The following SMARCA4 variants were observed in gnomAD, a reference collection of about 807,000 sequenced individuals.
The protein encoded by SMARCA4 is SWI/SNF-related matrix-associated actin-dependent regulator of chromatin subfamily A member 4.
In SMARCA4, 31 loss-of-function variants were observed where a neutral mutation model predicts 193.9. The observed-to-expected ratio is 0.16, with a 90% CI of 0.12 to 0.22. The LOEUF is 0.22. Ranked by LOEUF, SMARCA4 falls within the 10% of genes least tolerant of loss-of-function variation. The probability of loss-of-function intolerance (pLI) is 1.00; values close to 1 mark genes in which losing one functional copy is unlikely to be tolerated. For synonymous variants in SMARCA4, 942 were observed against 933.1 expected, an observed-to-expected ratio of 1.01 and a Z score of -0.17; for missense variants, 1,148 against 2,296.0, an observed-to-expected ratio of 0.50 and a Z score of 10.22.
At chr19:11,010,686 G>A (rs1341941617) in intron 15 of SMARCA4, among the ~76,000 whole-genome samples, 155 bp downstream of exon 15, 1 of 152,152 alleles carries the variant, frequency 6.6e-6, no homozygotes, top group Non-Finnish European at 1.5e-5. Context: ...TTCCCCATGT[G>A]TAAAGCAGAG....
rs2075021 is a variant in SMARCA4 at position 11,025,539 on chromosome 19, C to G, written c.3168+31C>G. The G allele has an allele frequency of 0.41, 629,046 of 1,544,720 alleles. 130,041 individuals are homozygous for G. Among genetic ancestry groups the G allele is most frequent in the East Asian group, 0.57 (25,173 of 44,532 alleles). ...CCCGCCGCGGCTGGGACGGCTCAGGCCCTGCTGTCTGCTGAGCTCCTAGGC... is the reference window on the plus strand; with the variant it reads ...CCCGCCGCGGCTGGGACGGCTCAGGGCCTGCTGTCTGCTGAGCTCCTAGGC... On this transcript the variant is annotated intron_variant, in intron 22 of 34. Coordinates refer to ENST00000344626, the MANE Select transcript of SMARCA4 (RefSeq NM_003072.5).
intron 14 of SMARCA4, among the ~76,000 whole-genome samples, chr19:11,009,855 A>G (rs2088649065): frequency 6.6e-6 from 1 of 151,976 alleles, no homozygotes; most frequent in East Asian, 1.9e-4. Context: ...CGCCCGGCTA[A>G]TTTTTGTATT....
chr19:11,024,178 C>T (rs574608774), intron 20 of SMARCA4, among the ~76,000 whole-genome samples, 153 bp from the exon 21 acceptor site: 37 of 152,284 alleles, frequency 2.4e-4, no homozygotes, highest in African/African-American at 8.4e-4. Context: ...CTCCCCTCTT[C>T]TCCCCAGCTG....
Position 11,025,724 on chromosome 19 carries a change from G to A in SMARCA4, c.3168+216G>A, listed in dbSNP as rs993234792. 8.0e-5 allele frequency: 44 copies of A among 552,634 alleles called. 1 individual carries two copies. The highest frequency in any genetic ancestry group is 1.2e-4 in the Admixed American group (5 of 40,264). The allele number at this position is 552,634 out of a possible 1,614,324, so 34.2% of individuals were successfully genotyped here. ...ACGTGCGATAGGAATATAGGGCCCT[G>A]AAAGCTTGCCCTCAGAGAGCAGGAG... On this transcript the variant is annotated intron_variant, in intron 22 of 34. Coordinates refer to ENST00000344626, the MANE Select transcript of SMARCA4 (RefSeq NM_003072.5).
In SMARCA4 at chr19:10,984,605, C is replaced by T. The variant is rs1006149812; in HGVS notation, c.222+232C>T. Among the ~76,000 whole-genome samples, 2 of 152,270 alleles carry T rather than the reference C, an allele frequency of 1.3e-5. No homozygotes were observed. Among genetic ancestry groups the T allele is most frequent in the African/African-American group, 2.4e-5 (1 of 41,470 alleles). On this transcript the variant is annotated intron_variant, in intron 2 of 34. Transcript: ENST00000344626. The surrounding 1 kb of genome is among the most constrained non-coding windows in gnomAD (Gnocchi z 4.3). ...TGGGCCCCGCGGGCACCTGCCCCAC[C>T]GTTTCCCGCTCCCTTGCTTTCTGCA... is the stretch of plus-strand genomic sequence containing the variant.
rs745382051 is a variant in SMARCA4 at position 11,003,080 on chromosome 19, G to A, written c.1864G>A (p.Val622Met). 12 of 1,613,964 alleles carry A rather than the reference G, an allele frequency of 7.4e-6. No individual in the cohort carries two copies. Among genetic ancestry groups the A allele is most frequent in the Non-Finnish European group, 1.0e-5 (12 of 1,179,982 alleles). Residue 622 changes from valine (V) to methionine (M), a missense_variant, in exon 12 of 35, where the codon GTG (valine) becomes ATG (methionine). Val to Met is a conservative substitution (Grantham distance 21). Around this residue, in one of 17 missense-constraint regions of SMARCA4, gnomAD observed 115 missense variants for 175.1 expected, o/e 0.66. Transcript: ENST00000344626. ...MSDLPVKVIH[V>M]ESGKILTGTD... Reference sequence around the variant, plus strand: ...CGACCTCCCGGTGAAGGTGATCCACGTGGAGAGTGGGAAGATCCTCACAGG... The same window carrying A: ...CGACCTCCCGGTGAAGGTGATCCACATGGAGAGTGGGAAGATCCTCACAGG...
At chr19:10,983,309 C>G (rs1473802727) in intron 1 of SMARCA4, among the ~76,000 whole-genome samples, 1 of 152,232 alleles carries the variant, frequency 6.6e-6, no homozygotes, top group Non-Finnish European at 1.5e-5. Context: ...ATACTTTATC[C>G]TTTTTAAACT....
chr19:11,001,632 G>A (rs1008620228), intron 11 of SMARCA4, among the ~76,000 whole-genome samples: 2 of 151,726 alleles, frequency 1.3e-5, no homozygotes, highest in African/African-American at 2.4e-5. Context: ...AGCCTGCAGA[G>A]CCCATTGTTG....
chr19:10,989,738 A>G (rs1475116921), intron 7 of SMARCA4, among the ~76,000 whole-genome samples: 2 of 139,292 alleles, frequency 1.4e-5, no homozygotes, highest in Admixed American at 7.6e-5. Flanking sequence ...GTCTTGCTCT[A>G]TCACCTAGGC....
At position 10,989,356 on chromosome 19, in the gene SMARCA4, A is replaced by G. The variant is rs1268876800; in HGVS notation, c.1158A>G (p.Glu386=). The part of the protein sequence containing the change: ...ARIAHRIQEL[E]NLPGSLAGDL... ...TCGCACACCGAATTCAGGAACTTGA[A>G]AACCTTCCCGGGTCCCTGGCCGGGG... Residue 386 remains glutamate, a synonymous_variant, in exon 7 of 35, where the codon GAA becomes GAG. Transcript: ENST00000344626. 2.5e-6 allele frequency: 4 copies of G among 1,614,026 alleles called. No homozygotes were observed. The highest frequency in any genetic ancestry group is 1.3e-5 in the African/African-American group (1 of 74,924).
At chr19:10,963,830 G>A (rs2084004100) in intron 1 of SMARCA4, among the ~76,000 whole-genome samples, 1 of 149,146 alleles carries the variant, frequency 6.7e-6, no homozygotes, top group African/African-American at 2.5e-5. Context: ...CAATGCCCCT[G>A]TAGTCCCAAG....
intron 1 of SMARCA4, among the ~76,000 whole-genome samples, chr19:10,972,752 C>T (rs906789085): frequency 1.3e-5 from 2 of 152,186 alleles, no homozygotes; most frequent in Non-Finnish European, 2.9e-5. Context: ...GCGTATATAG[C>T]TGATAACACA....
chr19:10,968,763 G>A (rs2084439570), intron 1 of SMARCA4, among the ~76,000 whole-genome samples: 1 of 152,188 alleles, frequency 6.6e-6, no homozygotes, highest in Admixed American at 6.6e-5. Context: ...GACTTGAGGG[G>A]GAGGGTCTGC....
rs928777578 is a variant in SMARCA4, at chr19:11,060,210, G to A, written c.4911+23G>A. On this transcript the variant is annotated intron_variant, in intron 34 of 34. Coordinates refer to ENST00000344626, the MANE Select transcript of SMARCA4 (RefSeq NM_003072.5). Reference sequence around the variant, plus strand: ...GAGGTGAGGCCGGGCCCCCGAGCAGGCAGAGCTGGCATGTGGCAGGAGGCA... The same window carrying A: ...GAGGTGAGGCCGGGCCCCCGAGCAGACAGAGCTGGCATGTGGCAGGAGGCA... 88 of 1,550,056 alleles carry A rather than the reference G, an allele frequency of 5.7e-5. No homozygotes were observed. In the Middle Eastern group the frequency reaches 5.7e-4, roughly 10 times the overall value.
At position 11,019,495 on chromosome 19, in the gene SMARCA4, C is replaced by T. The variant is rs1006426155; in HGVS notation, c.2506-96C>T. 9.2e-6 allele frequency: 7 copies of T among 762,934 alleles called. No homozygotes were observed. Among genetic ancestry groups the T allele is most frequent in the African/African-American group, 6.9e-5 (4 of 58,322 alleles). The allele number at this position is 762,934 out of a possible 1,614,324, so 47.3% of individuals were successfully genotyped here. On this transcript the variant is annotated intron_variant, in intron 17 of 34. Transcript: ENST00000344626. The surrounding 1 kb of genome is among the most constrained non-coding windows in gnomAD (Gnocchi z 6.1). ...CCCCTGTGAGGACGAGCCCTCCCGC[C>T]GTGTCACTGGGCAGTTGCAGGGGGT...
Position 10,987,799 on chromosome 19 carries a change from G to T in SMARCA4, c.993G>T (p.Gln331His), listed in dbSNP as rs1599969549. Residue 331 changes from glutamine to histidine, a missense_variant, in exon 6 of 35, where the codon CAG (glutamine) becomes CAT (histidine). Transcript: ENST00000344626. The surrounding 1 kb of genome is among the most constrained non-coding windows in gnomAD (Gnocchi z 5.3). ...CGCCCGTGATGCCACCGCAGACCCA[G>T]TCCCCCGGGCAGCCGGCCCAGCCCG... Reference protein sequence around the residue: ...AASPVMPPQTQSPGQPAQPAP... With the variant: ...AASPVMPPQTHSPGQPAQPAP... 1 of 1,602,824 alleles carries T rather than the reference G, an allele frequency of 6.2e-7. No homozygotes were observed. The highest frequency in any genetic ancestry group is 8.5e-7 in the Non-Finnish European group (1 of 1,175,556).
intron 30 of SMARCA4, among the ~76,000 whole-genome samples, chr19:11,052,043 C>T (rs1299920262): frequency 2.6e-5 from 4 of 152,072 alleles, no homozygotes; most frequent in South Asian, 2.1e-4. Context: ...TGCAGTGAGC[C>T]GAGATTGTGC....
In SMARCA4 at chr19:11,034,286, G is replaced by C. The variant is rs1182524306; in HGVS notation, c.3951+86G>C. 2.8e-6 allele frequency: 3 copies of C among 1,066,970 alleles called. No individual in the cohort carries two copies. In the Admixed American group the frequency reaches 5.3e-5, roughly 19 times the overall value. The allele number at this position is 1,066,970 out of a possible 1,614,324, so 66.1% of individuals were successfully genotyped here. A position where few individuals can be genotyped will look rare whatever the true frequency, so the allele number is the denominator to read the frequency against. On this transcript the variant is annotated intron_variant, in intron 28 of 34. Coordinates refer to ENST00000344626, the MANE Select transcript of SMARCA4 (RefSeq NM_003072.5). The surrounding 1 kb of genome is among the most constrained non-coding windows in gnomAD (Gnocchi z 7.0). The stretch of plus-strand genomic sequence containing the variant: ...AAGCAGACGTCCTAGTGCCCATGGT[G>C]GTATCCCTAGCAGGTCAGGGAGCCA...
intron 24 of SMARCA4, among the ~76,000 whole-genome samples, chr19:11,029,694 A>G (rs1417707483): frequency 3.3e-5 from 5 of 151,952 alleles, no homozygotes; most frequent in Admixed American, 3.3e-4. Flanking sequence ...TTTTTTTGAG[A>G]CGGAGTTTCA....
Sources: allele counts gnomAD v4.1 joint callset (sites outside exome capture counted in the v4.1 genomes callset), GRCh38; gene constraint gnomAD v4.1.1; regional missense constraint gnomAD v4.1.1; non-coding constraint Gnocchi (gnomAD v3.1); transcripts MANE v1.5; gene names NCBI Gene and HGNC (gene_info 2026-07-23, HGNC 2026-07-21).